DCC: variants seen among roughly 807,000 people sequenced by gnomAD.
The protein encoded by DCC is netrin receptor DCC.
DCC carries 58 observed loss-of-function variants against 172.5 expected under a neutral mutation model. The ratio of observed to expected loss-of-function variants is 0.34; its 90% CI spans 0.27 to 0.42. The LOEUF (loss-of-function observed/expected upper bound fraction) is 0.42. Among genes scored for constraint, DCC ranks in the 10% least tolerant of loss-of-function variants. DCC has a pLI of 1.00. For synonymous variants in DCC, 709 were observed against 644.5 expected, an observed-to-expected ratio of 1.10 and a Z score of -1.52; for missense variants, 1,740 against 1,791.0, an observed-to-expected ratio of 0.97 and a Z score of 0.51.
At chr18:52,736,984 T>C (rs1487584042) in intron 1 of DCC, among the ~76,000 whole-genome samples, 3 of 152,186 alleles carry the variant, frequency 2.0e-5, no homozygotes, top group Admixed American at 6.5e-5. Flanking sequence ...CTCAAAATTG[T>C]ATATAAATTT....
chr18:53,225,466 C>T (rs1486676117), intron 12 of DCC, among the ~76,000 whole-genome samples: 2 of 152,090 alleles, frequency 1.3e-5, no homozygotes, highest in Non-Finnish European at 2.9e-5. Flanking sequence ...CAAGAACACA[C>T]AGGATCCAGT....
At chr18:53,415,276 T>C (rs374839173) in intron 20 of DCC, among the ~76,000 whole-genome samples, 1 of 152,218 alleles carries the variant, frequency 6.6e-6, no homozygotes, top group African/African-American at 2.4e-5. Context: ...CGGCAAGTGT[T>C]GTATCCTACC....
intron 27 of DCC, 130 bp from the exon 28 acceptor site, chr18:53,526,487 C>A: frequency 1.0e-6 from 1 of 985,852 alleles, no homozygotes; most frequent in Non-Finnish European, 1.6e-6. Context: ...TGTCAGAATT[C>A]ATCTTTACAC....
At chr18:53,037,162 C>A (rs1157304689) in intron 5 of DCC, among the ~76,000 whole-genome samples, 1 of 151,922 alleles carries the variant, frequency 6.6e-6, no homozygotes, top group Non-Finnish European at 1.5e-5. Context: ...AGTTCCATCC[C>A]ACAGCTAGAG....
At chr18:53,154,256 A>G (rs962248249) in intron 7 of DCC, among the ~76,000 whole-genome samples, 1 of 152,112 alleles carries the variant, frequency 6.6e-6, no homozygotes, top group Admixed American at 6.5e-5. Context: ...CCATATAGAT[A>G]ATGCACTCTT....
chr18:53,179,189 C>G, intron 9 of DCC, 73 bp downstream of exon 9: 4 of 1,451,556 alleles, frequency 2.8e-6, no homozygotes, highest in Non-Finnish European at 3.8e-6. Flanking sequence ...AATTCTTTCA[C>G]AGAACCTTTG....
At chr18:52,538,147 C>A (rs965656234) in intron 1 of DCC, among the ~76,000 whole-genome samples, 1 of 152,128 alleles carries the variant, frequency 6.6e-6, no homozygotes, top group Non-Finnish European at 1.5e-5. Context: ...ACACCTGTAT[C>A]CCAATCTTCC....
At chr18:53,180,366 T>C (rs1389159805) in intron 9 of DCC, among the ~76,000 whole-genome samples, 1 of 152,210 alleles carries the variant, frequency 6.6e-6, no homozygotes, top group Non-Finnish European at 1.5e-5. Flanking sequence ...CATAGTCATG[T>C]TGAGGTTCCA....
chr18:52,682,538 A>G (rs1286988247), intron 1 of DCC, among the ~76,000 whole-genome samples: 1 of 152,074 alleles, frequency 6.6e-6, no homozygotes, highest in African/African-American at 2.4e-5. Flanking sequence ...GCGGGCAGGA[A>G]CTAGATCATG....
chr18:53,273,602 G>A (rs566936069), intron 12 of DCC, among the ~76,000 whole-genome samples: 1 of 152,164 alleles, frequency 6.6e-6, no homozygotes, highest in Non-Finnish European at 1.5e-5. Flanking sequence ...TTGCCTGAAA[G>A]CTATTTGCAA....
chr18:53,161,873 A>G (rs2144410825), intron 8 of DCC, among the ~76,000 whole-genome samples: 1 of 152,346 alleles, frequency 6.6e-6, no homozygotes, highest in East Asian at 1.9e-4. Flanking sequence ...TTTGTTATAA[A>G]ATAATATTGG....
chr18:52,366,822 A>C (rs1381898902), intron 1 of DCC, among the ~76,000 whole-genome samples: 1 of 152,232 alleles, frequency 6.6e-6, no homozygotes, highest in African/African-American at 2.4e-5. Flanking sequence ...CACCAGACTC[A>C]GGAGCCCAGC....
intron 1 of DCC, among the ~76,000 whole-genome samples, chr18:52,608,515 A>C (rs1483386146): frequency 2.0e-5 from 3 of 152,182 alleles, no homozygotes; most frequent in Non-Finnish European, 4.4e-5. Context: ...GGGGACCTCT[A>C]GGCAGAGAGT....
intron 14 of DCC, among the ~76,000 whole-genome samples, chr18:53,331,076 C>G (rs963785960): frequency 5.9e-5 from 9 of 152,160 alleles, no homozygotes; most frequent in Admixed American, 2.6e-4. Flanking sequence ...GATAAATGAG[C>G]TAGAAACATC....
intron 15 of DCC, among the ~76,000 whole-genome samples, chr18:53,361,968 A>G (rs1202042894): frequency 6.6e-6 from 1 of 152,224 alleles, no homozygotes; most frequent in Admixed American, 6.5e-5. Context: ...AGTATTGGAC[A>G]AAACAGTACT....
chr18:53,401,159 G>T (rs36068098), intron 18 of DCC, among the ~76,000 whole-genome samples: 64,524 of 151,918 alleles, frequency 0.42, 15,475 homozygotes, highest in Non-Finnish European at 0.55. Context: ...AAGAATGTCC[G>T]GATATGGTTT....
At chr18:52,984,480 T>G (rs2041261038) in intron 5 of DCC, among the ~76,000 whole-genome samples, 1 of 152,062 alleles carries the variant, frequency 6.6e-6, no homozygotes, top group Non-Finnish European at 1.5e-5. Context: ...GGAAAAATAA[T>G]AAACATAAAA....
chr18:53,199,055 T>C (rs2055494342), intron 9 of DCC, among the ~76,000 whole-genome samples: 2 of 149,758 alleles, frequency 1.3e-5, no homozygotes, highest in South Asian at 4.3e-4. Flanking sequence ...CTAATTCCCA[T>C]TGTTAAAAAT....
At chr18:52,784,450 G>T (rs1361146323) in intron 2 of DCC, among the ~76,000 whole-genome samples, 1 of 151,950 alleles carries the variant, frequency 6.6e-6, no homozygotes, top group Admixed American at 6.6e-5. Flanking sequence ...TTGCTGGATT[G>T]TATGATATTT....
Sources: allele counts gnomAD v4.1 joint callset (sites outside exome capture counted in the v4.1 genomes callset), GRCh38; gene constraint gnomAD v4.1.1; transcripts MANE v1.5; gene names NCBI Gene and HGNC (gene_info 2026-07-23, HGNC 2026-07-21).